PDK1: variants seen among roughly 807,000 people sequenced by gnomAD.
PDK1 encodes pyruvate dehydrogenase kinase 1.
In PDK1, 39 loss-of-function variants were observed where a neutral mutation model predicts 54.2. The observed-to-expected ratio is 0.72, with a 90% CI of 0.56 to 0.94. PDK1 has a LOEUF of 0.94. Among genes scored for constraint, PDK1 ranks in the 40% least tolerant of loss-of-function variants. The pLI is 0.00. For missense variants in PDK1, 552 were observed against 566.0 expected (o/e 0.98, Z 0.25); for synonymous variants, 221 against 207.1 (o/e 1.07, Z -0.58).
chr2:172,644,388 G>A, the PDK1 span, among the ~76,000 whole-genome samples: 4 of 152,222 alleles, frequency 2.6e-5, no homozygotes, highest in African/African-American at 9.6e-5. Context: ...GTCATTAGTT[G>A]TGTGGCTTGG....
chr2:172,576,053 G>A (rs1243240222), intron 8 of PDK1, among the ~76,000 whole-genome samples: 4 of 151,736 alleles, frequency 2.6e-5, no homozygotes, highest in African/African-American at 4.8e-5. Context: ...TCAGCCTCCC[G>A]AGTAGCTAGG....
the PDK1 span, among the ~76,000 whole-genome samples, chr2:172,623,703 A>G: frequency 1.1e-4 from 16 of 152,318 alleles, no homozygotes; most frequent in Admixed American, 2.6e-4. Flanking sequence ...AAACCTCAGT[A>G]CAGGCTAAAG....
At chr2:172,672,252 T>C in the PDK1 span, among the ~76,000 whole-genome samples, 3 of 152,198 alleles carry the variant, frequency 2.0e-5, no homozygotes, top group Non-Finnish European at 4.4e-5. Flanking sequence ...GAAATTAGCA[T>C]CATACATCAG....
the PDK1 span, among the ~76,000 whole-genome samples, chr2:172,690,180 A>G: frequency 2.7e-5 from 4 of 150,520 alleles, no homozygotes; most frequent in Non-Finnish European, 4.4e-5. Context: ...CGCATCAAAA[A>G]GTGGGCAAAG....
chr2:172,570,306 G>A (rs1689175668), intron 7 of PDK1, among the ~76,000 whole-genome samples: 2 of 152,016 alleles, frequency 1.3e-5, no homozygotes, highest in Non-Finnish European at 2.9e-5. Flanking sequence ...TACGACCATC[G>A]CTGTTACTAC....
chr2:172,638,777 A>G, the PDK1 span, among the ~76,000 whole-genome samples: 1 of 152,312 alleles, frequency 6.6e-6, no homozygotes, highest in African/African-American at 2.4e-5. Flanking sequence ...TGTCTAGCTA[A>G]AGGATTGTAA....
the PDK1 span, among the ~76,000 whole-genome samples, chr2:172,687,183 A>AT: frequency 6.6e-6 from 1 of 152,044 alleles, no homozygotes; most frequent in Non-Finnish European, 1.5e-5. Flanking sequence ...TCCCAAATAT[A>AT]TTTTATTTGA....
the PDK1 span, among the ~76,000 whole-genome samples, chr2:172,621,913 C>A: frequency 2.8e-5 from 4 of 143,622 alleles, no homozygotes; most frequent in Non-Finnish European, 4.5e-5. Context: ...ATGTTTATAT[C>A]TCCTATATGA....
chr2:172,555,992 C>T (rs1442535522), upstream of PDK1: 2 of 466,202 alleles, frequency 4.3e-6, no homozygotes, highest in Non-Finnish European at 7.1e-6. Flanking sequence ...CGCGTCCCGC[C>T]CAGCGGCGCA....
At position 172,558,717 on chromosome 2, in the gene PDK1, A is replaced by G. The variant is rs1442226237; in HGVS notation, c.206A>G (p.Asn69Ser). Residue 69 changes from asparagine (N) to serine (S), a missense_variant, in exon 2 of 11, where the codon AAT becomes AGT. Physicochemically the swap from Asn to Ser is conservative, Grantham distance 46. Transcript: ENST00000282077. Reference sequence around the variant, plus strand: ...TCATGTTTGGTTTCAGGATCAGTGAATGCTTGTGAAAAGACCTCATTTATG... The same window carrying G: ...TCATGTTTGGTTTCAGGATCAGTGAGTGCTTGTGAAAAGACCTCATTTATG... ...MKQFLDFGSV[N>S]ACEKTSFMFL... The G allele has an allele frequency of 6.2e-7, 1 of 1,604,446 alleles. No homozygotes were observed. The highest frequency in any genetic ancestry group is 1.8e-5 in the Admixed American group (1 of 56,274).
At chr2:172,642,055 T>C in the PDK1 span, among the ~76,000 whole-genome samples, 18 of 152,146 alleles carry the variant, frequency 1.2e-4, no homozygotes, top group Admixed American at 1.2e-3. Flanking sequence ...ATGTTTGAGT[T>C]TGAGTGGTTT....
the PDK1 span, among the ~76,000 whole-genome samples, chr2:172,719,330 T>G: frequency 5.9e-5 from 9 of 152,220 alleles, no homozygotes; most frequent in Admixed American, 5.2e-4. Context: ...GGTAAATGGT[T>G]AAGAGAGGAT....
At chr2:172,707,040 G>A in the PDK1 span, among the ~76,000 whole-genome samples, 1 of 152,244 alleles carries the variant, frequency 6.6e-6, no homozygotes, top group African/African-American at 2.4e-5. Flanking sequence ...CCATGGGGGT[G>A]GGAGGTGGCG....
rs191837610 is a variant in PDK1 at position 172,590,549 on chromosome 2, A to G, written c.1057-2386A>G. Among the ~76,000 whole-genome samples, 1,423 of 152,018 alleles carry G rather than the reference A, an allele frequency of 9.4e-3. 25 individuals are homozygous for G. Among genetic ancestry groups the G allele is most frequent in the African/African-American group, 0.033 (1,358 of 41,438 alleles). The stretch of plus-strand genomic sequence containing the variant: ...GTTGTTTGTTCCTCCTGGTGGGTTC[A>G]TGGTCTCGCTGACTTCAGGAGTGAA... On this transcript the variant is annotated intron_variant, in intron 9 of 10. Coordinates refer to ENST00000282077, the MANE Select transcript of PDK1 (RefSeq NM_002610.5).
At chr2:172,690,982 TC>T in the PDK1 span, among the ~76,000 whole-genome samples, 1 of 150,138 alleles carries the variant, frequency 6.7e-6, no homozygotes, top group African/African-American at 2.4e-5. Context: ...GTACCCTAGA[TC>T]TTAAAGTATA....
intron 5 of PDK1, among the ~76,000 whole-genome samples, chr2:172,565,740 A>G (rs13007707): frequency 0.16 from 24,849 of 152,268 alleles, 2,363 homozygotes; most frequent in African/African-American, 0.24. Flanking sequence ...ACACATACAC[A>G]ATTGATGTTG....
At chr2:172,655,366 C>T in the PDK1 span, among the ~76,000 whole-genome samples, 1 of 152,164 alleles carries the variant, frequency 6.6e-6, no homozygotes, top group African/African-American at 2.4e-5. Flanking sequence ...ATCACACATT[C>T]ATCATTCCAG....
At chr2:172,586,138 G>A (rs1255957252) in intron 8 of PDK1, 140 bp from the exon 9 acceptor site, 7 of 471,916 alleles carry the variant, frequency 1.5e-5, no homozygotes, top group South Asian at 1.1e-4. Flanking sequence ...CAGCCTGGGC[G>A]ACAAAGCGAG....
the PDK1 span, among the ~76,000 whole-genome samples, chr2:172,696,150 C>T: frequency 1.7e-5 from 2 of 114,578 alleles, no homozygotes; most frequent in African/African-American, 3.3e-5. Flanking sequence ...CCAGCCTGGG[C>T]AACAAGAGCG....
Sources: allele counts gnomAD v4.1 joint callset (sites outside exome capture counted in the v4.1 genomes callset), GRCh38; gene constraint gnomAD v4.1.1; transcripts MANE v1.5; gene names NCBI Gene and HGNC (gene_info 2026-07-23, HGNC 2026-07-21).